Variants in RIC1 observed in about 807,000 individuals in gnomAD.
RIC1 encodes the protein RIC1 partner of RAB6A GEF complex, also known as guanine nucleotide exchange factor subunit RIC1.
RIC1 carries 88 observed loss-of-function variants against 169.0 expected under a neutral mutation model. The ratio of observed to expected loss-of-function variants is 0.52; its 90% CI spans 0.44 to 0.62. The LOEUF (loss-of-function observed/expected upper bound fraction) is 0.62, where lower values mean the gene tolerates loss of function less well. Among genes scored for constraint, RIC1 ranks in the 20% least tolerant of loss-of-function variants. The pLI is 0.00. For synonymous variants in RIC1, 790 were observed against 601.5 expected (o/e 1.31, Z -4.59); for missense variants, 1,877 against 1,725.5 (o/e 1.09, Z -1.56).
At chr9:5,645,314 C>G (rs1243217238) in intron 1 of RIC1, among the ~76,000 whole-genome samples, 1 of 152,166 alleles carries the variant, frequency 6.6e-6, no homozygotes, top group Non-Finnish European at 1.5e-5. Context: ...GTTGGAATTA[C>G]AAGTATTAGC....
intron 6 of RIC1, among the ~76,000 whole-genome samples, chr9:5,721,716 T>A (rs1400352426): frequency 6.6e-6 from 1 of 152,172 alleles, no homozygotes; most frequent in African/African-American, 2.4e-5. Context: ...TATAATTATT[T>A]TTCCTTTACT....
In RIC1 at chr9:5,775,094, A is replaced by G. The variant is rs1482111367; in HGVS notation, c.*848A>G. 6.6e-6 allele frequency: 1 copy of G among 152,226 alleles called. No individual in the cohort carries two copies. Among genetic ancestry groups the G allele is most frequent in the Admixed American group, 6.5e-5 (1 of 15,282 alleles). 9.4% of individuals were successfully genotyped at this position (152,226 alleles called of 1,614,324 possible). On this transcript the variant is annotated 3_prime_UTR_variant, in exon 26 of 26. Coordinates refer to ENST00000414202, the MANE Select transcript of RIC1 (RefSeq NM_020829.4). ...ACAAAGACAGGGCTTGCTCCTCTGC[A>G]AAACTGAGGAAGACAGGTTTATTGG...
At chr9:5,731,698 A>G (rs1824378939) in intron 6 of RIC1, among the ~76,000 whole-genome samples, 1 of 152,172 alleles carries the variant, frequency 6.6e-6, no homozygotes, top group South Asian at 2.1e-4. Flanking sequence ...CTTACTAATA[A>G]TGTCATTTAT....
At chr9:5,745,127 T>C (rs1478962156) in intron 10 of RIC1, among the ~76,000 whole-genome samples, 1 of 152,220 alleles carries the variant, frequency 6.6e-6, no homozygotes, top group Non-Finnish European at 1.5e-5. Context: ...AGAACCAGTG[T>C]TGTCCGTCTC....
chr9:5,687,586 G>GATA (rs1821326964), intron 2 of RIC1, among the ~76,000 whole-genome samples: 1 of 152,006 alleles, frequency 6.6e-6, no homozygotes, highest in African/African-American at 2.4e-5. Context: ...GGGTTATTTA[G>GATA]AAGTATGCAG....
rs148493664 is a variant in RIC1 at position 5,632,212 on chromosome 9, T to C, written c.144+2759T>C. ...CAGGCTCTCTTAGGAGTGATATATT[T>C]TAAAAAGAGACAACTAGCCTTGTGG... On this transcript the variant is annotated intron_variant, in intron 1 of 25. Transcript: ENST00000414202. Among the ~76,000 whole-genome samples the C allele has an allele frequency of 3.8e-3, 578 of 152,300 alleles. 1 individual carries two copies. The highest frequency in any genetic ancestry group is 0.014 in the African/African-American group (563 of 41,562).
chr9:5,743,707 C>CA lies in RIC1; in HGVS notation c.1071dup (p.Asp358ArgfsTer4). ...GTTTCAGTTATAGGTCTGATGGCAC[C>CA]AAAAAAGATCCCCTTAAGATCAACT... On this transcript the variant is annotated frameshift_variant, in exon 10 of 26. Coordinates refer to ENST00000414202, the MANE Select transcript of RIC1 (RefSeq NM_020829.4). LOFTEE classifies it high-confidence loss of function. 6.2e-7 allele frequency: 1 copy of CA among 1,609,222 alleles called. No homozygotes were observed. Among genetic ancestry groups the CA allele is most frequent in the Non-Finnish European group, 8.5e-7 (1 of 1,176,584 alleles).
In RIC1 at chr9:5,689,994, A is replaced by G. The variant is rs957911651; in HGVS notation, c.288A>G (p.Thr96=). ...ANGYILFFHI[T]STRGDKYLYE... is the part of the protein sequence containing the mutation. The stretch of plus-strand genomic sequence containing the variant: ...GATACATCTTGTTTTTTCATATTAC[A>G]TCTACAAGAGGGGACAAGTACCTTT... Residue 96 remains threonine, a synonymous_variant, in exon 3 of 26, where the codon ACA becomes ACG. Coordinates refer to ENST00000414202, the MANE Select transcript of RIC1 (RefSeq NM_020829.4). 1.9e-6 allele frequency: 3 copies of G among 1,600,870 alleles called. No homozygotes were observed. The highest frequency in any genetic ancestry group is 1.1e-5 in the South Asian group (1 of 88,180).
At chr9:5,668,492 C>A (rs192264961) in intron 2 of RIC1, among the ~76,000 whole-genome samples, 185 of 152,254 alleles carry the variant, frequency 1.2e-3, no homozygotes, top group African/African-American at 4.3e-3. Flanking sequence ...ATTTCTCTTT[C>A]CTCCATACTT....
Position 5,684,495 on chromosome 9 carries a change from A to G in RIC1, c.253-5464A>G, listed in dbSNP as rs151306596. ...GTATTTCATCTCTTTTGCCAGATTT[A>G]TCCATATCTCACAACTTTAATGTTA... On this transcript the variant is annotated intron_variant, in intron 2 of 25. Transcript: ENST00000414202. 2.7e-3 allele frequency among the ~76,000 whole-genome samples: 404 copies of G among 152,118 alleles called. 1 individual carries two copies. The highest frequency in any genetic ancestry group is 9.5e-3 in the African/African-American group (395 of 41,506).
At chr9:5,645,870 A>G (rs1196688897) in intron 1 of RIC1, among the ~76,000 whole-genome samples, 1 of 151,962 alleles carries the variant, frequency 6.6e-6, no homozygotes, top group Non-Finnish European at 1.5e-5. Context: ...ATGGGTAGAC[A>G]AATATCCAGA....
intron 2 of RIC1, among the ~76,000 whole-genome samples, chr9:5,685,930 G>GA (rs1423341964): frequency 9.3e-5 from 14 of 150,292 alleles, no homozygotes; most frequent in East Asian, 7.9e-4. Flanking sequence ...AAATTTACAA[G>GA]AAAAAAACAA....
At chr9:5,641,385 C>G (rs1386987575) in intron 1 of RIC1, among the ~76,000 whole-genome samples, 2 of 152,118 alleles carry the variant, frequency 1.3e-5, no homozygotes, top group Non-Finnish European at 2.9e-5. Context: ...GCCACCGCGC[C>G]CGGCCGCCAT....
At chr9:5,769,538 A>G in intron 22 of RIC1, 6 of 1,104,368 alleles carry the variant, frequency 5.4e-6, no homozygotes, top group Non-Finnish European at 7.4e-6. Context: ...TATAAAAGCT[A>G]CCATGCTTAT....
chr9:5,762,683 C>A lies in RIC1; in HGVS notation c.2112+23C>A, dbSNP rs79308699. 1.3e-3 allele frequency: 2,090 copies of A among 1,608,748 alleles called. 32 individuals carry two copies. In the African/African-American group the frequency reaches 0.025, roughly 19 times the overall value. Reference sequence around the variant, plus strand: ...CTTGTGAGTAAAGTACTAGTCATTTCTTTTCAAACATTAAGAAGGTATGGG... The same window carrying A: ...CTTGTGAGTAAAGTACTAGTCATTTATTTTCAAACATTAAGAAGGTATGGG... On this transcript the variant is annotated intron_variant, in intron 18 of 25. Transcript: ENST00000414202.
intron 2 of RIC1, among the ~76,000 whole-genome samples, chr9:5,672,245 G>T (rs1468400223): frequency 6.6e-6 from 1 of 152,008 alleles, no homozygotes. Flanking sequence ...ACACAGCAAA[G>T]AAAAAAACCA....
At chr9:5,767,290 A>C (rs961926592) in intron 21 of RIC1, among the ~76,000 whole-genome samples, 3 of 152,220 alleles carry the variant, frequency 2.0e-5, no homozygotes, top group African/African-American at 7.2e-5. Context: ...TGTATGCTGG[A>C]GACTGAAACT....
chr9:5,769,096 T>C lies in RIC1; in HGVS notation c.3264T>C (p.Phe1088=), dbSNP rs373489201. The change falls in exon 22 of 26, where the codon TTT becomes TTC. Residue 1088 remains phenylalanine (F), a synonymous_variant. Coordinates refer to ENST00000414202, the MANE Select transcript of RIC1 (RefSeq NM_020829.4). Reference sequence around the variant, plus strand: ...GCTGCTTTGCAGCCCAGCTGGGCTTTGAACTAATTAGTTGGCTATGCAAGG... The same window carrying C: ...GCTGCTTTGCAGCCCAGCTGGGCTTCGAACTAATTAGTTGGCTATGCAAGG... The part of the protein sequence containing the change: ...DLGCFAAQLG[F]ELISWLCKER... The C allele has an allele frequency of 3.0e-5, 48 of 1,614,018 alleles. No individual in the cohort carries two copies. Among genetic ancestry groups the C allele is most frequent in the African/African-American group, 1.9e-4 (14 of 74,920 alleles).
chr9:5,695,142 T>A (rs1054427091), intron 3 of RIC1, among the ~76,000 whole-genome samples: 1 of 152,130 alleles, frequency 6.6e-6, no homozygotes, highest in Non-Finnish European at 1.5e-5. Flanking sequence ...AGATGACATA[T>A]AAAAGGATCT....
Sources: allele counts gnomAD v4.1 joint callset (sites outside exome capture counted in the v4.1 genomes callset), GRCh38; gene constraint gnomAD v4.1.1; transcripts MANE v1.5; gene names NCBI Gene and HGNC (gene_info 2026-07-23, HGNC 2026-07-21).